KCNQ2: variants seen among roughly 807,000 people sequenced by gnomAD.
The protein encoded by KCNQ2 is potassium voltage-gated channel subfamily Q member 2.
Under a neutral mutation model 84.8 loss-of-function variants are expected in KCNQ2, and 14 were observed. That is an observed-to-expected ratio of 0.17 (90% confidence interval 0.11 to 0.26). The LOEUF (loss-of-function observed/expected upper bound fraction) is 0.26, where lower values mean the gene tolerates loss of function less well. Among genes scored for constraint, KCNQ2 ranks in the 10% least tolerant of loss-of-function variants. The pLI, the probability that KCNQ2 is intolerant of heterozygous loss-of-function variation, is 1.00. For synonymous variants in KCNQ2, 599 were observed against 554.1 expected (o/e 1.08, Z -1.14); for missense variants, 788 against 1,254.0 (o/e 0.63, Z 5.61).
chr20:63,431,507 GTTCT>G, intron 8 of KCNQ2, 138 bp from the exon 9 acceptor site: 2 of 950,072 alleles, frequency 2.1e-6, no homozygotes, highest in Non-Finnish European at 3.4e-6. Flanking sequence ...ACAAGGGCTG[GTTCT>G]GTCCCTGCCC....
intron 1 of KCNQ2, among the ~76,000 whole-genome samples, chr20:63,469,490 G>A (rs767746504): frequency 5.9e-5 from 9 of 152,214 alleles, no homozygotes; most frequent in Admixed American, 1.3e-4. Context: ...CTGGCCTGAC[G>A]CCCACCAAGC....
intron 11 of KCNQ2, among the ~76,000 whole-genome samples, chr20:63,420,798 C>T (rs571658224): frequency 1.5e-4 from 23 of 151,864 alleles, no homozygotes; most frequent in African/African-American, 3.6e-4. Flanking sequence ...GCCCCCGTGC[C>T]GGTCCGGCTT....
chr20:63,442,637 A>T, intron 4 of KCNQ2, 106 bp from the exon 5 acceptor site: 1 of 1,170,278 alleles, frequency 8.5e-7, no homozygotes, highest in South Asian at 1.2e-5. Context: ...CACCATCACC[A>T]CCACCAAAAC....
chr20:63,425,042 T>C lies in KCNQ2; in HGVS notation c.1218-836A>G, dbSNP rs1242287593. ...CCTGCAGCTCCCGGTGGCCCAGGTG[T>C]CCTTGGCTTGTGGCTGCACCGCCCC... On this transcript the variant is annotated intron_variant, in intron 10 of 16. Transcript: ENST00000359125. This position sits in a 1 kb window ranked among gnomAD's most constrained non-coding sequence, Gnocchi z 5.5. Among the ~76,000 whole-genome samples the C allele has an allele frequency of 6.6e-6, 1 of 152,034 alleles. No individual in the cohort carries two copies. Among genetic ancestry groups the C allele is most frequent in the Non-Finnish European group, 1.5e-5 (1 of 68,008 alleles).
chr20:63,412,367 G>A (rs2080145509), intron 15 of KCNQ2: 1 of 169,400 alleles, frequency 5.9e-6, no homozygotes, highest in South Asian at 1.4e-4. Flanking sequence ...TGGAGACAAA[G>A]CACAGAAGTC....
intron 7 of KCNQ2, among the ~76,000 whole-genome samples, chr20:63,437,150 C>T (rs1359554580): frequency 2.6e-5 from 4 of 152,154 alleles, no homozygotes; most frequent in Admixed American, 2.0e-4. Context: ...CGTATCTCTA[C>T]CGTAGTGGTC....
chr20:63,450,235 G>C (rs1195959709), intron 1 of KCNQ2, among the ~76,000 whole-genome samples: 1 of 151,394 alleles, frequency 6.6e-6, no homozygotes, highest in Non-Finnish European at 1.5e-5. Flanking sequence ...GCTCCGGAGG[G>C]ACCTAGACGA....
Position 63,444,720 on chromosome 20 carries a change from C to A in KCNQ2, c.629G>T (p.Arg210Leu). 1 of 1,600,916 alleles carries A rather than the reference C, an allele frequency of 6.2e-7. No individual in the cohort carries two copies. The highest frequency in any genetic ancestry group is 8.5e-7 in the Non-Finnish European group (1 of 1,174,654). The change falls in exon 4 of 17, where the codon CGC (arginine) becomes CTC (leucine). Residue 210 changes from arginine to leucine, a missense_variant. Physicochemically the swap from Arg to Leu is moderately radical, Grantham distance 102 (BLOSUM62 -2). Coordinates refer to ENST00000359125, the MANE Select transcript of KCNQ2 (RefSeq NM_172107.4). ...CCAGGTGCCTCCCCGCCGGTCCATG[C>A]GGATCATCCGCAGAATCTGCAGGAA... ...LRFLQILRMIRMDRRGGTWKL... is the reference protein window; with the variant it reads ...LRFLQILRMILMDRRGGTWKL...
chr20:63,464,335 C>G (rs1408867790), intron 1 of KCNQ2, among the ~76,000 whole-genome samples: 3 of 151,962 alleles, frequency 2.0e-5, no homozygotes, highest in Non-Finnish European at 4.4e-5. Flanking sequence ...GGAGGGGCCG[C>G]CAAGTGCCCC....
At chr20:63,417,581 A>G (rs2080334189) in intron 12 of KCNQ2, among the ~76,000 whole-genome samples, 1 of 152,244 alleles carries the variant, frequency 6.6e-6, no homozygotes, top group Non-Finnish European at 1.5e-5. Flanking sequence ...GGAAAGGCAC[A>G]GCTTGAGGAA....
intron 15 of KCNQ2, among the ~76,000 whole-genome samples, chr20:63,410,647 C>G (rs6089907): frequency 2.6e-5 from 4 of 152,222 alleles, no homozygotes; most frequent in Admixed American, 2.0e-4. Context: ...ACGGCCCTGC[C>G]TGCTCCCAGA....
chr20:63,435,537 A>G (rs1431934852), intron 7 of KCNQ2, among the ~76,000 whole-genome samples: 1 of 152,234 alleles, frequency 6.6e-6, no homozygotes, highest in Non-Finnish European at 1.5e-5. Context: ...GACGGTGAAC[A>G]CTGCAGACAG....
In KCNQ2 at chr20:63,406,552, T is replaced by A; in HGVS notation, c.*92A>T. ...CCCTTCCCGCCACACTCAGTTACTGTAAGAAAAGGGCCCCAGAGGGTTCCC... is the reference window on the plus strand; with the variant it reads ...CCCTTCCCGCCACACTCAGTTACTGAAAGAAAAGGGCCCCAGAGGGTTCCC... On this transcript the variant is annotated 3_prime_UTR_variant, in exon 17 of 17. Transcript: ENST00000359125. 3 of 1,403,308 alleles carry A rather than the reference T, an allele frequency of 2.1e-6. No homozygotes were observed. Among genetic ancestry groups the A allele is most frequent in the Non-Finnish European group, 2.8e-6 (3 of 1,064,642 alleles). The allele number at this position is 1,403,308 out of a possible 1,614,324, so 86.9% of individuals were successfully genotyped here. A position where few individuals can be genotyped will look rare whatever the true frequency, so the allele number is the denominator to read the frequency against.
intron 12 of KCNQ2, among the ~76,000 whole-genome samples, chr20:63,419,058 G>A (rs531379956): frequency 6.6e-6 from 1 of 152,276 alleles, no homozygotes; most frequent in East Asian, 1.9e-4. Context: ...TCACGGTGCA[G>A]GCCAGGAGCC....
At chr20:63,454,846 G>T (rs1028915424) in intron 1 of KCNQ2, among the ~76,000 whole-genome samples, 1 of 152,198 alleles carries the variant, frequency 6.6e-6, no homozygotes, top group East Asian at 1.9e-4. Flanking sequence ...CAGGCACGAC[G>T]AGCGTCCAAA....
rs1266359962 is a variant in KCNQ2, at chr20:63,438,724, C to T, written c.928-4G>A. Reference sequence around the variant, plus strand: ...CAAACCCAGACCCCAAGATGCCCTGCAATTCATCAGGGTCAGGTCACACCC... The same window carrying T: ...CAAACCCAGACCCCAAGATGCCCTGTAATTCATCAGGGTCAGGTCACACCC... On this transcript the variant is annotated splice_polypyrimidine_tract_variant and splice_region_variant and intron_variant, in intron 6 of 16. Coordinates refer to ENST00000359125, the MANE Select transcript of KCNQ2 (RefSeq NM_172107.4). The surrounding 1 kb of genome is among the most constrained non-coding windows in gnomAD (Gnocchi z 5.1). 6.2e-7 allele frequency: 1 copy of T among 1,612,798 alleles called. No homozygotes were observed. The highest frequency in any genetic ancestry group is 1.1e-5 in the South Asian group (1 of 91,070).
chr20:63,409,344 T>C (rs1046605793), intron 15 of KCNQ2, among the ~76,000 whole-genome samples: 1 of 152,220 alleles, frequency 6.6e-6, no homozygotes, highest in African/African-American at 2.4e-5. Flanking sequence ...GGATGCAGAA[T>C]TCAGCTGAGC....
intron 11 of KCNQ2, among the ~76,000 whole-genome samples, chr20:63,422,050 G>C (rs1431308993): frequency 6.6e-6 from 1 of 152,146 alleles, no homozygotes; most frequent in Non-Finnish European, 1.5e-5. Context: ...CCATCCACCT[G>C]CCAAGACCAG....
intron 11 of KCNQ2, among the ~76,000 whole-genome samples, chr20:63,423,157 G>T (rs527283120): frequency 6.6e-6 from 1 of 152,318 alleles, no homozygotes; most frequent in Admixed American, 6.5e-5. Flanking sequence ...TTCTTGGTTG[G>T]TGTGGGCCGG....
Sources: gnomAD v4.1 joint callset for allele counts (sites outside exome capture counted in the v4.1 genomes callset) on GRCh38, gnomAD v4.1.1 for gene constraint, Gnocchi (gnomAD v3.1) non-coding constraint, MANE v1.5 for transcripts, NCBI Gene and HGNC (gene_info 2026-07-23, HGNC 2026-07-21) for gene names.